Variants in NEK6 observed in about 807,000 individuals in gnomAD.
The protein encoded by NEK6 is NIMA related kinase 6, also known as serine/threonine-protein kinase Nek6.
NEK6 carries 27 observed loss-of-function variants against 43.5 expected under a neutral mutation model. That is an observed-to-expected ratio of 0.62 (90% CI 0.46 to 0.86). The LOEUF is 0.86. NEK6 is among the 40% of genes least tolerant of loss of function. NEK6 has a pLI of 0.00. For missense variants in NEK6, 318 were observed against 414.4 expected (o/e 0.77, Z 2.02); for synonymous variants, 167 against 164.1 (o/e 1.02, Z -0.14).
At chr9:124,325,035 C>T (rs983045311) in intron 5 of NEK6, among the ~76,000 whole-genome samples, 6 of 152,064 alleles carry the variant, frequency 3.9e-5, no homozygotes, top group African/African-American at 1.2e-4. Context: ...AATAGCTGGG[C>T]GTGGTGGCGC....
At position 124,327,453 on chromosome 9, in the gene NEK6, G is replaced by T; in HGVS notation, c.622+8G>T. 1 of 1,607,258 alleles carries T rather than the reference G, an allele frequency of 6.2e-7. No homozygotes were observed. The highest frequency in any genetic ancestry group is 8.5e-7 in the Non-Finnish European group (1 of 1,175,848). On this transcript the variant is annotated splice_region_variant and intron_variant, in intron 7 of 9. Transcript: ENST00000320246. ...CCGCAGCCCACTCCCTAGGTAAGGG[G>T]GACCTGTCTGTGCCCCAGCAGCCCC...
intron 1 of NEK6, among the ~76,000 whole-genome samples, chr9:124,288,942 G>A (rs1406505274): frequency 6.6e-6 from 1 of 152,102 alleles, no homozygotes; most frequent in Non-Finnish European, 1.5e-5. Flanking sequence ...CTGTGATTCA[G>A]CAACGCAGTT....
intron 1 of NEK6, among the ~76,000 whole-genome samples, chr9:124,285,947 A>G (rs1337162457): frequency 2.0e-5 from 3 of 152,256 alleles, no homozygotes; most frequent in African/African-American, 4.8e-5. Flanking sequence ...TGCTGGGTAC[A>G]TACTAAATAA....
At chr9:124,335,621 A>G (rs961498568) in intron 7 of NEK6, among the ~76,000 whole-genome samples, 27 of 152,248 alleles carry the variant, frequency 1.8e-4, no homozygotes, top group Non-Finnish European at 3.4e-4. Flanking sequence ...CATAGCTCAC[A>G]GGCAGGCGGA....
At chr9:124,344,078 C>T (rs535449338) in intron 8 of NEK6, among the ~76,000 whole-genome samples, 3 of 152,254 alleles carry the variant, frequency 2.0e-5, no homozygotes, top group South Asian at 4.2e-4. Context: ...AGGCCACCCG[C>T]GGTCCTCGGT....
Position 124,327,327 on chromosome 9 carries a change from T to C in NEK6, c.515-11T>C, listed in dbSNP as rs761403269. ...CTACCCCACACCAATCTCCTTCTCCTCGCCCTGCAGACATCAAGCCTGCCA... is the reference window on the plus strand; with the variant it reads ...CTACCCCACACCAATCTCCTTCTCCCCGCCCTGCAGACATCAAGCCTGCCA... On this transcript the variant is annotated splice_polypyrimidine_tract_variant and intron_variant, in intron 6 of 9. Coordinates refer to ENST00000320246, the MANE Select transcript of NEK6 (RefSeq NM_014397.6). 6.2e-7 allele frequency: 1 copy of C among 1,611,992 alleles called. No individual in the cohort carries two copies. Among genetic ancestry groups the C allele is most frequent in the South Asian group, 1.1e-5 (1 of 91,016 alleles).
intron 1 of NEK6, among the ~76,000 whole-genome samples, chr9:124,297,736 G>T (rs1370997700): frequency 6.6e-6 from 1 of 152,202 alleles, no homozygotes; most frequent in Non-Finnish European, 1.5e-5. Context: ...TCATTGTTCT[G>T]CAACTTGGCA....
chr9:124,292,517 T>C, intron 1 of NEK6: 7 of 1,537,064 alleles, frequency 4.6e-6, no homozygotes, highest in Non-Finnish European at 6.1e-6. Flanking sequence ...GATGGGATTC[T>C]AGATGCTCGC....
intron 1 of NEK6, among the ~76,000 whole-genome samples, chr9:124,272,738 C>T (rs1831498400): frequency 6.6e-6 from 1 of 152,214 alleles, no homozygotes; most frequent in African/African-American, 2.4e-5. Context: ...CATGTGATCG[C>T]ATCGACCTCT....
chr9:124,350,168 G>A (rs1246703651), intron 9 of NEK6, among the ~76,000 whole-genome samples: 2 of 152,238 alleles, frequency 1.3e-5, no homozygotes, highest in East Asian at 3.9e-4. Flanking sequence ...CCAGCAGCAG[G>A]TATTTAAATG....
intron 1 of NEK6, among the ~76,000 whole-genome samples, chr9:124,290,016 G>C (rs1013092960): frequency 6.6e-6 from 1 of 152,254 alleles, no homozygotes; most frequent in Non-Finnish European, 1.5e-5. Context: ...TGAGGATCCT[G>C]GTAAGGAGAG....
At chr9:124,286,700 T>TCCC (rs2119019313) in intron 1 of NEK6, among the ~76,000 whole-genome samples, 2 of 152,282 alleles carry the variant, frequency 1.3e-5, no homozygotes, top group East Asian at 3.9e-4. Context: ...GCCAGTTGTG[T>TCCC]CCCATCTGCA....
rs1168504636 is a variant in NEK6, at chr9:124,326,547, G to C, written c.514+109G>C. ...GGCAGCCCCTTGAGGAAGTTGGACC[G>C]CTCTGTATTCCCCAGGCAAGGGGGC... On this transcript the variant is annotated intron_variant, in intron 6 of 9. Transcript: ENST00000320246. The surrounding 1 kb of genome is among the most constrained non-coding windows in gnomAD (Gnocchi z 4.5). 1.3e-6 allele frequency: 1 copy of C among 777,754 alleles called. No individual in the cohort carries two copies. Among genetic ancestry groups the C allele is most frequent in the Non-Finnish European group, 2.2e-6 (1 of 459,638 alleles). The allele number at this position is 777,754 out of a possible 1,614,324, so 48.2% of individuals were successfully genotyped here.
chr9:124,344,531 C>T lies in NEK6; in HGVS notation c.718-3178C>T, dbSNP rs529316351. Among the ~76,000 whole-genome samples, 42 of 152,338 alleles carry T rather than the reference C, an allele frequency of 2.8e-4. 4 individuals are homozygous for T. The highest frequency in any genetic ancestry group is 2.5e-3 in the South Asian group (12 of 4,830). On this transcript the variant is annotated intron_variant, in intron 8 of 9. Coordinates refer to ENST00000320246, the MANE Select transcript of NEK6 (RefSeq NM_014397.6). ...CCCGAACATGGAGTGAATCATGACT[C>T]GCAGGCCAGGCGGTGGGGAGCCCCC...
At chr9:124,264,673 G>A (rs1356036042) in intron 1 of NEK6, among the ~76,000 whole-genome samples, 1 of 152,044 alleles carries the variant, frequency 6.6e-6, no homozygotes, top group African/African-American at 2.4e-5. Flanking sequence ...GGGCGTGGTG[G>A]TGGACACCTT....
chr9:124,314,602 C>T (rs550430212), intron 4 of NEK6, among the ~76,000 whole-genome samples: 51 of 152,020 alleles, frequency 3.4e-4, no homozygotes, highest in African/African-American at 1.1e-3. Context: ...GCAATCCTCC[C>T]GCCTCAGTCT....
chr9:124,302,369 GC>G (rs1833027985), intron 2 of NEK6, among the ~76,000 whole-genome samples: 1 of 152,218 alleles, frequency 6.6e-6, no homozygotes, highest in Non-Finnish European at 1.5e-5. Context: ...TACAGAGGGT[GC>G]TGTGGAGGCC....
intron 8 of NEK6, among the ~76,000 whole-genome samples, chr9:124,344,044 TTA>T (rs1251094543): frequency 1.3e-5 from 2 of 152,152 alleles, no homozygotes; most frequent in African/African-American, 2.4e-5. Context: ...ATCTGTTTCC[TTA>T]TGTTTTCCAT....
chr9:124,304,755 C>T (rs2130813342), intron 2 of NEK6, among the ~76,000 whole-genome samples: 1 of 152,272 alleles, frequency 6.6e-6, no homozygotes, highest in African/African-American at 2.4e-5. Context: ...AGGAAGCTTT[C>T]TAGCCTTGAG....
Sources: allele counts gnomAD v4.1 joint callset (sites outside exome capture counted in the v4.1 genomes callset), GRCh38; gene constraint gnomAD v4.1.1; non-coding constraint Gnocchi (gnomAD v3.1); transcripts MANE v1.5; gene names NCBI Gene and HGNC (gene_info 2026-07-23, HGNC 2026-07-21).